ZFYVE26: variants seen among roughly 807,000 people sequenced by gnomAD.
ZFYVE26 encodes the protein zinc finger FYVE domain-containing protein 26.
In ZFYVE26, 181 loss-of-function variants were observed where a neutral mutation model predicts 276.5. The observed-to-expected ratio is 0.65, with a 90% CI of 0.58 to 0.74. The LOEUF is 0.74. Among genes scored for constraint, ZFYVE26 ranks in the 30% least tolerant of loss-of-function variants. The pLI, the probability that ZFYVE26 is intolerant of heterozygous loss-of-function variation, is 0.00. For synonymous variants in ZFYVE26, 1,129 were observed against 1,203.1 expected (o/e 0.94, Z 1.27); for missense variants, 2,821 against 3,097.9 (o/e 0.91, Z 2.12).
chr14:67,729,436 CTCGCTGGGCTGT>C (rs2038238646), exon 14 of ZFYVE26: 1 of 1,532,860 alleles, frequency 6.5e-7, no homozygotes. Flanking sequence ...AGGTGCCGGA[CTCGCTGGGCTGT>C]TCATCCTGAG....
At chr14:67,768,591 C>A in intron 29 of ZFYVE26, 43 bp from the exon 30 acceptor site, 1 of 1,603,898 alleles carries the variant, frequency 6.2e-7, no homozygotes, top group South Asian at 1.1e-5. Context: ...ATGCCTGAGT[C>A]ACTTCTTTGT....
At chr14:67,737,601 C>G (rs993497229) in intron 13 of ZFYVE26, among the ~76,000 whole-genome samples, 1 of 152,190 alleles carries the variant, frequency 6.6e-6, no homozygotes, top group African/African-American at 2.4e-5. Flanking sequence ...GGTGGGGACA[C>G]AGAACCAAAC....
intron 26 of ZFYVE26, 146 bp downstream of exon 26, chr14:67,775,714 A>T: frequency 8.5e-7 from 1 of 1,183,066 alleles, no homozygotes; most frequent in Non-Finnish European, 1.2e-6. Flanking sequence ...GATCTCTCCT[A>T]TATAATAAAG....
rs949762531 is a variant in ZFYVE26, at chr14:67,809,471, G to A, written c.274-182C>T. On this transcript the variant is annotated intron_variant, in intron 3 of 41. Transcript: ENST00000347230. Reference sequence around the variant, plus strand: ...AGAGTCTTGCTCTGTTCCCCAGGCTGGAGTACCGTGGCATGATTTTAGCTT... The same window carrying A: ...AGAGTCTTGCTCTGTTCCCCAGGCTAGAGTACCGTGGCATGATTTTAGCTT... 7.0e-5 allele frequency among the ~76,000 whole-genome samples: 10 copies of A among 143,422 alleles called. 1 individual carries two copies. The highest frequency in any genetic ancestry group is 2.4e-4 in the African/African-American group (9 of 38,250). 94.1% of individuals were successfully genotyped at this position (143,422 alleles called of 152,430 possible).
intron 14 of ZFYVE26, among the ~76,000 whole-genome samples, chr14:67,791,663 A>G (rs1194271016): frequency 2.6e-5 from 4 of 151,852 alleles, no homozygotes; most frequent in Non-Finnish European, 5.9e-5. Context: ...ATTGAAAAAA[A>G]AAAAAAAGAC....
chr14:67,748,458 T>C lies in ZFYVE26; in HGVS notation c.7598A>G (p.His2533Arg), dbSNP rs750842669. 1 of 1,612,468 alleles carries C rather than the reference T, an allele frequency of 6.2e-7. No homozygotes were observed. The highest frequency in any genetic ancestry group is 8.5e-7 in the Non-Finnish European group (1 of 1,179,856). Residue 2533 changes from histidine (H) to arginine (R), a missense_variant, in exon 42 of 42, where the codon CAT becomes CGT. By Grantham distance (29) the His-to-Arg change is conservative. Transcript: ENST00000347230. The part of the protein sequence containing the change: ...WLLTSHPRGA[H>R]GPGSRK ...AGGTCACTTCCTGGAGCCTGGGCCA[T>C]GGGCACCCCGGGGGTGGCTTGTCAG...
At chr14:67,755,365 C>G in intron 36 of ZFYVE26, 115 bp from the exon 37 acceptor site, 4 of 1,204,872 alleles carry the variant, frequency 3.3e-6, no homozygotes, top group Non-Finnish European at 4.8e-6. Flanking sequence ...AGCACCCACT[C>G]CCACCACCAG....
Position 67,775,125 on chromosome 14 carries a change from G to A in ZFYVE26, c.5222-11C>T. ...GGTGAATCACAGAATCTGTAGAGAG[G>A]GAAAATGCTGACAAAATATGGTTCT... On this transcript the variant is annotated splice_polypyrimidine_tract_variant and intron_variant, in intron 26 of 41. Coordinates refer to ENST00000347230, the MANE Select transcript of ZFYVE26 (RefSeq NM_015346.4). 1.3e-6 allele frequency: 2 copies of A among 1,578,822 alleles called. No individual in the cohort carries two copies. The highest frequency in any genetic ancestry group is 1.7e-6 in the Non-Finnish European group (2 of 1,154,094).
At chr14:67,760,895 T>G in intron 35 of ZFYVE26, 1 of 273,376 alleles carries the variant, frequency 3.7e-6, no homozygotes. Context: ...ATCATCTATT[T>G]GGGGTTCAAC....
Position 67,781,461 on chromosome 14 carries a change from A to T in ZFYVE26, c.4441T>A (p.Phe1481Ile). Reference sequence around the variant, plus strand: ...GACTCCAGGGGCCACCTGTCCACAAACTGTAGGGCCAGCCGACTTCTCAGA... The same window carrying T: ...GACTCCAGGGGCCACCTGTCCACAATCTGTAGGGCCAGCCGACTTCTCAGA... ...ASLRSRLALQ[F>I]VDRWPLESCL... The change falls in exon 22 of 42, where the codon TTT becomes ATT. Residue 1481 changes from phenylalanine to isoleucine, a missense_variant. Physicochemically the swap from Phe to Ile is conservative, Grantham distance 21. Transcript: ENST00000347230. 14 of 1,614,174 alleles carry T rather than the reference A, an allele frequency of 8.7e-6. No homozygotes were observed. Among genetic ancestry groups the T allele is most frequent in the Non-Finnish European group, 1.2e-5 (14 of 1,180,034 alleles).
chr14:67,785,021 G>T, intron 19 of ZFYVE26, 38 bp downstream of exon 19: 1 of 1,605,024 alleles, frequency 6.2e-7, no homozygotes, highest in Non-Finnish European at 8.5e-7. Flanking sequence ...ACACTTGCAG[G>T]TCTGCCATGA....
Position 67,748,085 on chromosome 14 carries a change from T to G in ZFYVE26, c.*351A>C. The G allele has an allele frequency of 3.4e-6, 1 of 295,100 alleles. No homozygotes were observed. The highest frequency in any genetic ancestry group is 4.6e-5 in the South Asian group (1 of 21,704). The allele number at this position is 295,100 out of a possible 1,614,324, so 18.3% of individuals were successfully genotyped here. Reference sequence around the variant, plus strand: ...AGTGGCAAGTCTAAAGTAAAGTGCCTCTTTTAAATGGAGAAGAGTTTCATT... The same window carrying G: ...AGTGGCAAGTCTAAAGTAAAGTGCCGCTTTTAAATGGAGAAGAGTTTCATT... On this transcript the variant is annotated 3_prime_UTR_variant, in exon 42 of 42. Transcript: ENST00000347230.
In ZFYVE26 at chr14:67,789,523, T is replaced by C. The variant is rs754775182; in HGVS notation, c.2831A>G (p.Gln944Arg). The stretch of plus-strand genomic sequence containing the variant: ...AGCCGTGCTTATCCAAAAGTCCTCC[T>C]GGAGCATGGGGATGGGGTCTCCAGA... ...NTSGDPIPML[Q>R]EDFWISTALV... Residue 944 changes from glutamine to arginine, a missense_variant, in exon 16 of 42, where the codon CAG becomes CGG. Transcript: ENST00000347230. The C allele has an allele frequency of 1.2e-6, 2 of 1,614,170 alleles. No individual in the cohort carries two copies. The highest frequency in any genetic ancestry group is 3.3e-5 in the Admixed American group (2 of 60,022).
At position 67,766,144 on chromosome 14, in the gene ZFYVE26, T is replaced by TA. The variant is rs568191452; in HGVS notation, c.6011+82dup. 6.7e-5 allele frequency: 89 copies of TA among 1,334,654 alleles called. No homozygotes were observed. In the East Asian group the frequency reaches 9.6e-4, roughly 14 times the overall value. 82.7% of individuals were successfully genotyped at this position (1,334,654 alleles called of 1,614,324 possible). A position where few individuals can be genotyped will look rare whatever the true frequency, so the allele number is the denominator to read the frequency against. ...TGTCTTGTCAGAGAGGATGGTGAGA[T>TA]AAAAAAATCACAGTGGGGTCAGAAA... On this transcript the variant is annotated intron_variant, in intron 32 of 41. Coordinates refer to ENST00000347230, the MANE Select transcript of ZFYVE26 (RefSeq NM_015346.4).
chr14:67,729,863 A>G (rs1314880041), intron 13 of ZFYVE26: 3 of 454,522 alleles, frequency 6.6e-6, no homozygotes, highest in Non-Finnish European at 1.3e-5. Context: ...GAATCTTATC[A>G]TGAACTCAAT....
intron 13 of ZFYVE26, chr14:67,735,310 T>G (rs558258366): frequency 7.2e-6 from 6 of 828,458 alleles, no homozygotes; most frequent in Admixed American, 1.7e-5. Context: ...CTCTCTGTAG[T>G]GTCTCGCCCG....
chr14:67,814,159 T>C (rs2140259131), intron 2 of ZFYVE26, 95 bp from the exon 3 acceptor site: 3 of 1,011,462 alleles, frequency 3.0e-6, no homozygotes, highest in East Asian at 5.1e-5. Context: ...TATTCTGTTT[T>C]AAACCTGAAC....
chr14:67,746,206 G>A (rs2038485342), downstream of ZFYVE26, among the ~76,000 whole-genome samples: 1 of 152,136 alleles, frequency 6.6e-6, no homozygotes, highest in South Asian at 2.1e-4. Flanking sequence ...TCTGGGAGGG[G>A]ACTGGGCTGG....
At chr14:67,770,678 TAAGC>T (rs2039186468) in intron 28 of ZFYVE26, among the ~76,000 whole-genome samples, 2 of 152,160 alleles carry the variant, frequency 1.3e-5, no homozygotes, top group Admixed American at 1.3e-4. Context: ...AGAGATAACT[TAAGC>T]AAAGCACTTA....
Sources: gnomAD v4.1 joint callset for allele counts (sites outside exome capture counted in the v4.1 genomes callset) on GRCh38, gnomAD v4.1.1 for gene constraint, MANE v1.5 for transcripts, NCBI Gene and HGNC (gene_info 2026-07-23, HGNC 2026-07-21) for gene names.